Variants in NUP35 observed in about 807,000 individuals in gnomAD.
NUP35 encodes the protein nucleoporin 35.
In NUP35, 25 loss-of-function variants were observed where a neutral mutation model predicts 41.5. The ratio of observed to expected loss-of-function variants is 0.60; its 90% CI spans 0.44 to 0.84. NUP35 has a LOEUF of 0.84. Ranked by LOEUF, NUP35 falls within the 40% of genes least tolerant of loss-of-function variation. The pLI is 0.00. For synonymous variants in NUP35, 149 were observed against 130.7 expected (o/e 1.14, Z -0.96); for missense variants, 396 against 396.6 (o/e 1.00, Z 0.01).
intron 3 of NUP35, chr2:183,131,025 A>T: frequency 1.5e-6 from 1 of 669,416 alleles, no homozygotes; most frequent in Non-Finnish European, 2.3e-6. Context: ...TCAGTTGCCC[A>T]GGCTAGAGTG....
At chr2:183,150,924 C>T (rs1208262187) in intron 4 of NUP35, among the ~76,000 whole-genome samples, 2 of 152,122 alleles carry the variant, frequency 1.3e-5, no homozygotes, top group African/African-American at 4.8e-5. Context: ...TTTAGCATGG[C>T]ATGTTGGACA....
upstream of NUP35, among the ~76,000 whole-genome samples, chr2:183,119,703 G>A (rs1700039973): frequency 6.6e-6 from 1 of 152,010 alleles, no homozygotes; most frequent in Non-Finnish European, 1.5e-5. Context: ...GGGTGGGCAG[G>A]GAACAGGGTC....
At chr2:183,120,065 G>A (rs1700044984), upstream of NUP35, 1 of 152,276 alleles carries the variant, frequency 6.6e-6, no homozygotes, top group Non-Finnish European at 1.5e-5. Context: ...GCACACCTGA[G>A]TCTTGTGGAG....
chr2:183,159,569 CCAA>C lies in NUP35; in HGVS notation c.823_825del (p.Thr275del). On this transcript the variant is annotated inframe_deletion, in exon 8 of 9. Transcript: ENST00000295119. Reference sequence around the variant, plus strand: ...ACCACCAATCAAAACTCTAGGTACACCAACACAACCTGGAAGTACTCCTAGGAT... The same window carrying C: ...ACCACCAATCAAAACTCTAGGTACACCACAACCTGGAAGTACTCCTAGGAT... 6.2e-7 allele frequency: 1 copy of C among 1,613,432 alleles called. No homozygotes were observed. The highest frequency in any genetic ancestry group is 8.5e-7 in the Non-Finnish European group (1 of 1,179,542).
upstream of NUP35, chr2:183,124,364 C>T (rs1209836841): frequency 3.1e-6 from 5 of 1,610,858 alleles, no homozygotes; most frequent in South Asian, 1.1e-5. Flanking sequence ...TACGCAACCC[C>T]ATAAGGTAGC....
chr2:183,130,389 T>C (rs1220027636), intron 2 of NUP35, 29 bp from the exon 3 acceptor site: 32 of 186,118 alleles, frequency 1.7e-4, no homozygotes, highest in East Asian at 5.6e-4. Context: ...AAGAATCCCT[T>C]TTTTTTTTTT....
intron 5 of NUP35, among the ~76,000 whole-genome samples, chr2:183,157,157 T>C (rs78297065): frequency 6.6e-6 from 1 of 152,244 alleles, no homozygotes; most frequent in African/African-American, 2.4e-5. Flanking sequence ...TAGTTTTTTT[T>C]CTAAGACCTG....
intron 4 of NUP35, among the ~76,000 whole-genome samples, chr2:183,150,157 G>C (rs902594211): frequency 1.3e-5 from 2 of 152,108 alleles, no homozygotes; most frequent in Non-Finnish European, 2.9e-5. Flanking sequence ...CGCTCGCCTT[G>C]GCCTCCCAAA....
At chr2:183,154,152 C>G (rs528319658) in intron 5 of NUP35, among the ~76,000 whole-genome samples, 3 of 152,314 alleles carry the variant, frequency 2.0e-5, no homozygotes, top group Admixed American at 1.3e-4. Context: ...TGGGCCTGGA[C>G]CACAAAACCG....
chr2:183,127,311 T>G (rs1400628360), intron 1 of NUP35, among the ~76,000 whole-genome samples: 1 of 151,790 alleles, frequency 6.6e-6, no homozygotes, highest in Non-Finnish European at 1.5e-5. Flanking sequence ...AAAGATGAGA[T>G]CTCAGTGTGT....
rs1469220435 is a variant in NUP35 at position 183,151,546 on chromosome 2, C to T, written c.436C>T (p.Arg146Ter). The T allele has an allele frequency of 4.3e-6, 7 of 1,613,976 alleles. No homozygotes were observed. Among genetic ancestry groups the T allele is most frequent in the Admixed American group, 1.7e-5 (1 of 60,018 alleles). Residue 146 changes from arginine to a stop codon, truncating the protein, a stop_gained, in exon 5 of 9, where the codon CGA becomes TGA. Coordinates refer to ENST00000295119, the MANE Select transcript of NUP35 (RefSeq NM_138285.5). LOFTEE classifies it high-confidence loss of function. The stretch of plus-strand genomic sequence containing the variant: ...TAGTCCAGCAAGTATCGGTCAGCCA[C>T]GAAAGACGACATTATCTCCTGCCCA... ...MFSPASIGQP[R>*]KTTLSPAQLD...
intron 4 of NUP35, among the ~76,000 whole-genome samples, chr2:183,136,617 T>C (rs2105563608): frequency 6.6e-6 from 1 of 152,344 alleles, no homozygotes; most frequent in East Asian, 1.9e-4. Context: ...TTTTCTGCCT[T>C]CTGCTGGTGG....
chr2:183,122,251 A>AT (rs1460808003), upstream of NUP35, among the ~76,000 whole-genome samples: 2 of 150,280 alleles, frequency 1.3e-5, no homozygotes, highest in African/African-American at 4.9e-5. Context: ...TAATTTTTGT[A>AT]TTTTTTAGTA....
chr2:183,151,946 TTGTC>T (rs1685481986), intron 5 of NUP35, among the ~76,000 whole-genome samples: 1 of 152,150 alleles, frequency 6.6e-6, no homozygotes, highest in Non-Finnish European at 1.5e-5. Context: ...TTTAAATCAT[TTGTC>T]TGTTTATTTC....
chr2:183,119,745 C>G (rs1185838813), upstream of NUP35, among the ~76,000 whole-genome samples: 2 of 152,056 alleles, frequency 1.3e-5, no homozygotes, highest in Non-Finnish European at 2.9e-5. Flanking sequence ...AGTTCAGTAA[C>G]AGGATCATGG....
chr2:183,136,476 G>T (rs754613991), intron 4 of NUP35, among the ~76,000 whole-genome samples: 22 of 152,116 alleles, frequency 1.4e-4, no homozygotes, highest in Non-Finnish European at 2.8e-4. Context: ...CTCCTTGCTG[G>T]CTGTTACCTT....
intron 4 of NUP35, among the ~76,000 whole-genome samples, chr2:183,145,675 T>G (rs1559150909): frequency 6.6e-6 from 1 of 152,170 alleles, no homozygotes; most frequent in Non-Finnish European, 1.5e-5. Context: ...AACACAAGAC[T>G]TAGGTGTTAC....
In NUP35 at chr2:183,138,269, A is replaced by ATATATATATATTTT; in HGVS notation, c.397+4647_397+4648insATATATATATTTTT. Among the ~76,000 whole-genome samples, 148 of 80,598 alleles carry ATATATATATATTTT rather than the reference A, an allele frequency of 1.8e-3. 1 individual carries two copies. The highest frequency in any genetic ancestry group is 9.0e-3 in the African/African-American group (144 of 16,076). The allele number at this position is 80,598 out of a possible 152,430, so 52.9% of individuals were successfully genotyped here. A position where few individuals can be genotyped will look rare whatever the true frequency, so the allele number is the denominator to read the frequency against. ...GCTATATATATATATATATATATAT[A>ATATATATATATTTT]TTTTTTTTTTTTTTTAGCTCCTGTA... On this transcript the variant is annotated intron_variant, in intron 4 of 8. Transcript: ENST00000295119.
intron 4 of NUP35, among the ~76,000 whole-genome samples, chr2:183,136,411 T>A (rs1318515085): frequency 6.6e-6 from 1 of 152,194 alleles, no homozygotes; most frequent in Non-Finnish European, 1.5e-5. Context: ...CCAAGCTCCT[T>A]CAAGTTGTTG....
Sources: gnomAD v4.1 joint callset for allele counts (sites outside exome capture counted in the v4.1 genomes callset) on GRCh38, gnomAD v4.1.1 for gene constraint, MANE v1.5 for transcripts, NCBI Gene and HGNC (gene_info 2026-07-23, HGNC 2026-07-21) for gene names.